Variants in CHST3 observed in about 807,000 individuals in gnomAD.
The protein encoded by CHST3 is carbohydrate sulfotransferase 3.
CHST3 carries 20 observed loss-of-function variants against 35.4 expected under a neutral mutation model. The ratio of observed to expected loss-of-function variants is 0.57; its 90% CI spans 0.40 to 0.82. CHST3 has a LOEUF of 0.82. Ranked by LOEUF, CHST3 falls within the 40% of genes least tolerant of loss-of-function variation. The probability of loss-of-function intolerance (pLI) is 0.00; values close to 1 mark genes in which losing one functional copy is unlikely to be tolerated. For synonymous variants in CHST3, 334 were observed against 295.9 expected (o/e 1.13, Z -1.32); for missense variants, 693 against 670.1 (o/e 1.03, Z -0.38).
In CHST3 at chr10:72,007,886, G is replaced by A. The variant is rs747175788; in HGVS notation, c.855G>A (p.Pro285=). The A allele has an allele frequency of 1.3e-6, 2 of 1,585,124 alleles. No individual in the cohort carries two copies. Among genetic ancestry groups the A allele is most frequent in the Non-Finnish European group, 1.7e-6 (2 of 1,166,738 alleles). ...TCCGGCAGCTGGAGTTCCTGCAGCCGCTGGCCGAGGACCCCCGCCTGGACC... is the reference window on the plus strand; with the variant it reads ...TCCGGCAGCTGGAGTTCCTGCAGCCACTGGCCGAGGACCCCCGCCTGGACC... ...VRIRQLEFLQ[P]LAEDPRLDLR... Residue 285 remains proline (P), a synonymous_variant, in exon 3 of 3, where the codon CCG becomes CCA. Transcript: ENST00000373115.
At chr10:71,982,242 G>A (rs1228083973) in intron 1 of CHST3, among the ~76,000 whole-genome samples, 1 of 152,212 alleles carries the variant, frequency 6.6e-6, no homozygotes, top group Non-Finnish European at 1.5e-5. Flanking sequence ...CTACAGAAGA[G>A]GAGTGTCAGA....
chr10:72,004,323 G>A (rs1840018342), intron 1 of CHST3, among the ~76,000 whole-genome samples: 1 of 152,110 alleles, frequency 6.6e-6, no homozygotes, highest in African/African-American at 2.4e-5. Flanking sequence ...CTGAAGGGAT[G>A]TTCAGTATTG....
chr10:71,981,939 A>C (rs918119474), intron 1 of CHST3, among the ~76,000 whole-genome samples: 1 of 152,218 alleles, frequency 6.6e-6, no homozygotes, highest in African/African-American at 2.4e-5. Context: ...AGTGATTCTC[A>C]TGCCCAGCAG....
intron 1 of CHST3, among the ~76,000 whole-genome samples, chr10:71,978,524 C>T (rs1026685960): frequency 6.6e-6 from 1 of 152,220 alleles, no homozygotes; most frequent in Non-Finnish European, 1.5e-5. Flanking sequence ...TCTCATTCCC[C>T]AGAGCTCATT....
At chr10:71,975,644 C>T (rs565249364) in intron 1 of CHST3, among the ~76,000 whole-genome samples, 4 of 152,362 alleles carry the variant, frequency 2.6e-5, no homozygotes, top group East Asian at 1.9e-4. Context: ...CACGGGGGCT[C>T]AGGGGGCGCC....
At chr10:71,995,578 ACT>A (rs1424848135) in intron 1 of CHST3, among the ~76,000 whole-genome samples, 1 of 152,086 alleles carries the variant, frequency 6.6e-6, no homozygotes, top group African/African-American at 2.4e-5. Context: ...CAAAAGCGTG[ACT>A]CTTTCTTTCA....
chr10:71,994,883 C>T (rs994069350), intron 1 of CHST3, among the ~76,000 whole-genome samples: 5 of 152,190 alleles, frequency 3.3e-5, no homozygotes, highest in Admixed American at 1.3e-4. Context: ...TGTCTTCTTT[C>T]CTTAAACCTC....
rs572333430 is a variant in CHST3 at position 71,999,887 on chromosome 10, C to T, written c.-107-5849C>T. Among the ~76,000 whole-genome samples the T allele has an allele frequency of 4.6e-5, 7 of 152,332 alleles. No individual in the cohort carries two copies. The East Asian group carries it at 1.2e-3, about 25-fold the overall frequency. ...AGCTCGCAGCCCCCTTTTTCCACAG[C>T]GTTCTCTCCCTCACATTTGTCTGCA... is the stretch of plus-strand genomic sequence containing the variant. On this transcript the variant is annotated intron_variant, in intron 1 of 2. Coordinates refer to ENST00000373115, the MANE Select transcript of CHST3 (RefSeq NM_004273.5).
intron 1 of CHST3, among the ~76,000 whole-genome samples, chr10:71,977,910 C>G (rs897931415): frequency 1.3e-5 from 2 of 152,112 alleles, no homozygotes; most frequent in African/African-American, 4.8e-5. Flanking sequence ...TAAAGAAGGT[C>G]TCCCACCAGC....
chr10:71,995,971 T>G (rs1040058074), intron 1 of CHST3, among the ~76,000 whole-genome samples: 1 of 152,218 alleles, frequency 6.6e-6, no homozygotes, highest in Non-Finnish European at 1.5e-5. Context: ...ACCTTTGATT[T>G]GTAGAAAACA....
intron 1 of CHST3, among the ~76,000 whole-genome samples, chr10:71,997,110 A>C (rs183623745): frequency 2.0e-3 from 298 of 152,276 alleles, no homozygotes; most frequent in African/African-American, 7.0e-3. Flanking sequence ...GTTCAGTGGC[A>C]CTAAGTACAT....
intron 1 of CHST3, among the ~76,000 whole-genome samples, chr10:71,965,597 TTG>T (rs780590606): frequency 6.6e-6 from 1 of 152,072 alleles, no homozygotes; most frequent in Non-Finnish European, 1.5e-5. Context: ...GCACCTGAAG[TTG>T]TGTTTGGTTT....
chr10:72,005,733 C>T lies in CHST3; in HGVS notation c.-107-3C>T. ...GGTGTTCTGACCACCTGTCTCTCCG[C>T]AGGACAAGGGTGTCCCCCACCTGAA... On this transcript the variant is annotated splice_polypyrimidine_tract_variant and splice_region_variant and intron_variant, in intron 1 of 2. Transcript: ENST00000373115. The T allele has an allele frequency of 7.2e-7, 1 of 1,380,436 alleles. No individual in the cohort carries two copies. Among genetic ancestry groups the T allele is most frequent in the Non-Finnish European group, 1.0e-6 (1 of 976,524 alleles). The allele number at this position is 1,380,436 out of a possible 1,614,324, so 85.5% of individuals were successfully genotyped here. A position where few individuals can be genotyped will look rare whatever the true frequency, so the allele number is the denominator to read the frequency against.
rs1272200247 is a variant in CHST3, at chr10:72,008,187, T to C, written c.1156T>C (p.Tyr386His). Residue 386 changes from tyrosine to histidine, a missense_variant, in exon 3 of 3, where the codon TAC becomes CAC. Coordinates refer to ENST00000373115, the MANE Select transcript of CHST3 (RefSeq NM_004273.5). ...GCCGCTGCAGAAGGCCCGCGAGATG[T>C]ACCGCTTCGCCGGCATCCCCCTGAC... The part of the protein sequence containing the change: ...RGPLQKAREM[Y>H]RFAGIPLTPQ... The C allele has an allele frequency of 1.3e-6, 2 of 1,549,616 alleles. No individual in the cohort carries two copies. The highest frequency in any genetic ancestry group is 1.7e-6 in the Non-Finnish European group (2 of 1,146,806).
chr10:71,978,855 C>A (rs575755811), intron 1 of CHST3, among the ~76,000 whole-genome samples: 1 of 152,158 alleles, frequency 6.6e-6, no homozygotes, highest in Non-Finnish European at 1.5e-5. Context: ...GCTCTGTGGG[C>A]CAAGAGCAGG....
In CHST3 at chr10:71,978,917, C is replaced by A. The variant is rs554783347; in HGVS notation, c.-108+14223C>A. Among the ~76,000 whole-genome samples, 7 of 152,278 alleles carry A rather than the reference C, an allele frequency of 4.6e-5. No homozygotes were observed. In the South Asian group the frequency reaches 1.5e-3, roughly 32 times the overall value. ...TCTGGACCCCTCCCCAGGATGCCTC[C>A]CCATGTCTGACCTTGGGGAGTCCAG... On this transcript the variant is annotated intron_variant, in intron 1 of 2. Coordinates refer to ENST00000373115, the MANE Select transcript of CHST3 (RefSeq NM_004273.5).
rs996434248 is a variant in CHST3, at chr10:71,964,463, G to T, written c.-339G>T. 2.0e-5 allele frequency: 3 copies of T among 152,166 alleles called. No individual in the cohort carries two copies. The highest frequency in any genetic ancestry group is 4.8e-5 in the African/African-American group (2 of 41,434). The allele number at this position is 152,166 out of a possible 1,614,324, so 9.4% of individuals were successfully genotyped here. On this transcript the variant is annotated 5_prime_UTR_variant, in exon 1 of 3. Transcript: ENST00000373115. ...CTCTCGCAGGCTCGCTGCGCAGGACGGCGCCCGCCTGGCGCCGCTTCCCTT... is the reference window on the plus strand; with the variant it reads ...CTCTCGCAGGCTCGCTGCGCAGGACTGCGCCCGCCTGGCGCCGCTTCCCTT...
Position 72,007,949 on chromosome 10 carries a change from G to T in CHST3, c.918G>T (p.Val306=). ...AGCTGGTGCGCGACCCCCGGGCCGT[G>T]CTGGCCTCGCGCATGGTGGCCTTCG... is the stretch of plus-strand genomic sequence containing the variant. The part of the protein sequence containing the change: ...VIQLVRDPRA[V]LASRMVAFAG... Residue 306 remains valine (V), a synonymous_variant, in exon 3 of 3, where the codon GTG becomes GTT. Transcript: ENST00000373115. The T allele has an allele frequency of 6.5e-7, 1 of 1,549,650 alleles. No homozygotes were observed. Among genetic ancestry groups the T allele is most frequent in the Non-Finnish European group, 8.7e-7 (1 of 1,146,652 alleles).
rs1424361761 is a variant in CHST3 at position 72,008,110 on chromosome 10, C to T, written c.1079C>T (p.Ala360Val). 1 of 1,544,940 alleles carries T rather than the reference C, an allele frequency of 6.5e-7. No individual in the cohort carries two copies. Among genetic ancestry groups the T allele is most frequent in the Admixed American group, 2.0e-5 (1 of 50,824 alleles). Residue 360 changes from alanine (A) to valine (V), a missense_variant, in exon 3 of 3, where the codon GCC becomes GTC. Physicochemically the swap from Ala to Val is moderately conservative, Grantham distance 64 (BLOSUM62 0). Transcript: ENST00000373115. ...LSAELGLRQP[A>V]WLRGRYMLVR... ...GCGGAGCTGGGGCTGCGGCAGCCCG[C>T]CTGGCTGCGGGGCCGCTACATGCTG...
Sources: gnomAD v4.1 joint callset for allele counts (sites outside exome capture counted in the v4.1 genomes callset) on GRCh38, gnomAD v4.1.1 for gene constraint, MANE v1.5 for transcripts, NCBI Gene and HGNC (gene_info 2026-07-23, HGNC 2026-07-21) for gene names.